Variants in KCNIP4 observed in about 807,000 individuals in gnomAD.
The protein encoded by KCNIP4 is Kv channel-interacting protein 4.
In KCNIP4, 12 loss-of-function variants were observed where a neutral mutation model predicts 34.0. The observed-to-expected ratio is 0.35, with a 90% confidence interval of 0.23 to 0.57. The LOEUF (loss-of-function observed/expected upper bound fraction) is 0.57. Ranked by LOEUF, KCNIP4 falls within the 20% of genes least tolerant of loss-of-function variation. The pLI is 0.83. For missense variants in KCNIP4, 238 were observed against 311.7 expected, an observed-to-expected ratio of 0.76 and a Z score of 1.78; for synonymous variants, 124 against 102.2, an observed-to-expected ratio of 1.21 and a Z score of -1.29.
At chr4:21,518,557 A>ACAGAAAGGAC (rs1333324873) in intron 1 of KCNIP4, among the ~76,000 whole-genome samples, 3 of 152,098 alleles carry the variant, frequency 2.0e-5, no homozygotes, top group Non-Finnish European at 2.9e-5. Flanking sequence ...GCCTGAGGAC[A>ACAGAAAGGAC]CTGAAAGGAC....
rs73805017 is a variant in KCNIP4 at position 21,136,808 on chromosome 4, G to A, written c.62-254099C>T. Among the ~76,000 whole-genome samples, 834 of 152,292 alleles carry A rather than the reference G, an allele frequency of 5.5e-3. 3 individuals are homozygous for A. Among genetic ancestry groups the A allele is most frequent in the African/African-American group, 0.015 (614 of 41,562 alleles). On this transcript the variant is annotated intron_variant, in intron 1 of 8. Coordinates refer to ENST00000382152, the MANE Select transcript of KCNIP4 (RefSeq NM_025221.6). ...GATACGACTTAGATATAAGGGTTGA[G>A]TCAGGACAAACTATTAATTTCTGTC...
At chr4:21,709,117 G>A (rs1560650310) in intron 1 of KCNIP4, among the ~76,000 whole-genome samples, 1 of 151,964 alleles carries the variant, frequency 6.6e-6, no homozygotes, top group Non-Finnish European at 1.5e-5. Flanking sequence ...ATTCTGTTGT[G>A]AGGTGAGATC....
At position 21,438,175 on chromosome 4, in the gene KCNIP4, T is replaced by G. The variant is rs546676976; in HGVS notation, c.61+510396A>C. ...GACAACCTGCTTATAACTATTTACA[T>G]ACACCTCAAAGTTCGAATGAGGCCC... On this transcript the variant is annotated intron_variant, in intron 1 of 8. Transcript: ENST00000382152. Among the ~76,000 whole-genome samples, 7 of 152,268 alleles carry G rather than the reference T, an allele frequency of 4.6e-5. No homozygotes were observed. In the South Asian group the frequency reaches 1.2e-3, roughly 27 times the overall value.
At chr4:20,765,469 A>G (rs1312496498) in intron 3 of KCNIP4, among the ~76,000 whole-genome samples, 3 of 152,164 alleles carry the variant, frequency 2.0e-5, no homozygotes, top group African/African-American at 7.2e-5. Context: ...TTGTAGCTTG[A>G]GAGATTTGAG....
intron 1 of KCNIP4, among the ~76,000 whole-genome samples, chr4:21,133,899 T>C (rs1259577632): frequency 6.6e-6 from 1 of 152,234 alleles, no homozygotes; most frequent in Non-Finnish European, 1.5e-5. Flanking sequence ...AGGCCATTAG[T>C]TTCCTTTTCT....
intron 1 of KCNIP4, chr4:21,852,890 G>A (rs935907805): frequency 3.9e-5 from 6 of 152,072 alleles, no homozygotes; most frequent in Admixed American, 1.3e-4. Context: ...TTTCCTTACT[G>A]TTACAATTCC....
At chr4:21,658,191 A>G (rs1041120612) in intron 1 of KCNIP4, among the ~76,000 whole-genome samples, 11 of 152,196 alleles carry the variant, frequency 7.2e-5, no homozygotes, top group African/African-American at 2.2e-4. Context: ...TGAAAGCAAT[A>G]AAAATTCTAC....
chr4:21,118,621 T>A (rs1289999012), intron 1 of KCNIP4, among the ~76,000 whole-genome samples: 3 of 152,172 alleles, frequency 2.0e-5, no homozygotes, highest in Non-Finnish European at 4.4e-5. Context: ...TTTCTTCTCA[T>A]TTAAATTGCC....
intron 1 of KCNIP4, among the ~76,000 whole-genome samples, chr4:21,704,951 C>G (rs544663436): frequency 4.6e-5 from 7 of 152,188 alleles, no homozygotes; most frequent in Non-Finnish European, 8.8e-5. Flanking sequence ...ATAGTCTTAA[C>G]CTAGAAACAA....
chr4:20,783,257 T>C (rs1578608949), intron 3 of KCNIP4, among the ~76,000 whole-genome samples: 1 of 152,200 alleles, frequency 6.6e-6, no homozygotes, highest in Admixed American at 6.5e-5. Flanking sequence ...TGTTCCAACC[T>C]CTGCCTGTTA....
At chr4:20,803,774 G>GAAGGAAGGAAGA (rs1714724851) in intron 3 of KCNIP4, among the ~76,000 whole-genome samples, 1 of 149,752 alleles carries the variant, frequency 6.7e-6, no homozygotes, top group African/African-American at 2.5e-5. Flanking sequence ...AGGAAGGACG[G>GAAGGAAGGAAGA]AAAATAGAGA....
At chr4:21,155,368 A>G (rs1489289080) in intron 1 of KCNIP4, among the ~76,000 whole-genome samples, 1 of 152,230 alleles carries the variant, frequency 6.6e-6, no homozygotes, top group African/African-American at 2.4e-5. Context: ...AAGGAGAAAT[A>G]CTATAAATAC....
At chr4:21,707,556 T>C (rs895279610) in intron 1 of KCNIP4, among the ~76,000 whole-genome samples, 3 of 152,070 alleles carry the variant, frequency 2.0e-5, no homozygotes, top group East Asian at 1.9e-4. Context: ...TAAGGCTCCA[T>C]TGATGAGACC....
chr4:21,557,265 A>T (rs1178742939), intron 1 of KCNIP4, among the ~76,000 whole-genome samples: 2 of 152,150 alleles, frequency 1.3e-5, no homozygotes, highest in Non-Finnish European at 2.9e-5. Context: ...TGACAAAAAT[A>T]ATGTAATTAC....
chr4:21,168,625 A>G (rs572299451), intron 1 of KCNIP4, among the ~76,000 whole-genome samples: 4 of 152,184 alleles, frequency 2.6e-5, no homozygotes, highest in Non-Finnish European at 5.9e-5. Context: ...TCAGAAAAGA[A>G]CTCAACAACC....
intron 3 of KCNIP4, among the ~76,000 whole-genome samples, chr4:20,825,422 A>T (rs1240315953): frequency 6.6e-6 from 1 of 152,160 alleles, no homozygotes; most frequent in Non-Finnish European, 1.5e-5. Context: ...AAAAAATCTC[A>T]TAGAACTTGA....
At chr4:21,356,068 G>A (rs987739044) in intron 1 of KCNIP4, among the ~76,000 whole-genome samples, 2 of 152,068 alleles carry the variant, frequency 1.3e-5, no homozygotes, top group Non-Finnish European at 2.9e-5. Flanking sequence ...TATTTCAATA[G>A]ATGCAGAAAA....
At chr4:21,278,013 G>A (rs761840655) in intron 1 of KCNIP4, among the ~76,000 whole-genome samples, 2 of 152,078 alleles carry the variant, frequency 1.3e-5, no homozygotes, top group Non-Finnish European at 2.9e-5. Flanking sequence ...GAAGAAAACT[G>A]TTCTCCTAAA....
At chr4:20,975,304 AGTAAT>A (rs1735371403) in intron 1 of KCNIP4, among the ~76,000 whole-genome samples, 1 of 152,206 alleles carries the variant, frequency 6.6e-6, no homozygotes. Context: ...CAGTCTGAAT[AGTAAT>A]GTAATTTTAA....
Sources: gnomAD v4.1 joint callset for allele counts (sites outside exome capture counted in the v4.1 genomes callset) on GRCh38, gnomAD v4.1.1 for gene constraint, MANE v1.5 for transcripts, NCBI Gene and HGNC (gene_info 2026-07-23, HGNC 2026-07-21) for gene names.